The following CERS6 variants were observed in gnomAD, a reference collection of about 807,000 sequenced individuals.
CERS6 encodes the protein LAG1 homolog, ceramide synthase 6.
Under a neutral mutation model 56.8 loss-of-function variants are expected in CERS6, and 26 were observed. The ratio of observed to expected loss-of-function variants is 0.46; its 90% CI spans 0.34 to 0.63. CERS6 has a LOEUF of 0.63. Ranked by LOEUF, CERS6 falls within the 30% of genes least tolerant of loss-of-function variation. The probability of loss-of-function intolerance (pLI) is 0.01; values close to 1 mark genes in which losing one functional copy is unlikely to be tolerated. For missense variants in CERS6, 415 were observed against 467.5 expected (o/e 0.89, Z 1.04); for synonymous variants, 164 against 173.3 (o/e 0.95, Z 0.42).
At chr2:168,600,031 T>TA (rs1683894399) in intron 3 of CERS6, among the ~76,000 whole-genome samples, 1 of 152,178 alleles carries the variant, frequency 6.6e-6, no homozygotes, top group African/African-American at 2.4e-5. Flanking sequence ...CTTGGGTTGT[T>TA]ATAGCAGCAT....
At chr2:168,549,362 C>T (rs918117749) in intron 2 of CERS6, among the ~76,000 whole-genome samples, 2 of 152,190 alleles carry the variant, frequency 1.3e-5, no homozygotes, top group African/African-American at 2.4e-5. Context: ...TTTGGCTGGG[C>T]GTGGTGGCTC....
Position 168,555,724 on chromosome 2 carries a change from G to C in CERS6, c.277-5468G>C, listed in dbSNP as rs201420128. Among the ~76,000 whole-genome samples, 268 of 32,266 alleles carry C rather than the reference G, an allele frequency of 8.3e-3. 5 individuals carry two copies. Among genetic ancestry groups the C allele is most frequent in the Middle Eastern group, 0.091 (2 of 22 alleles). The allele number at this position is 32,266 out of a possible 152,430, so 21.2% of individuals were successfully genotyped here. On this transcript the variant is annotated intron_variant, in intron 2 of 9. Coordinates refer to ENST00000305747, the MANE Select transcript of CERS6 (RefSeq NM_203463.3). Reference sequence around the variant, plus strand: ...ATTCTAGGAAAGTATAATTGACTCTGTGTGTGTGTGTGTGTGTGTGTGTGT... The same window carrying C: ...ATTCTAGGAAAGTATAATTGACTCTCTGTGTGTGTGTGTGTGTGTGTGTGT...
intron 1 of CERS6, among the ~76,000 whole-genome samples, chr2:168,525,119 G>T (rs961751601): frequency 6.6e-6 from 1 of 152,192 alleles, no homozygotes; most frequent in Non-Finnish European, 1.5e-5. Context: ...GCCCACAGGT[G>T]CAGTGTGGGC....
chr2:168,654,726 T>C (rs1685427576), intron 4 of CERS6, among the ~76,000 whole-genome samples: 1 of 152,208 alleles, frequency 6.6e-6, no homozygotes, highest in African/African-American at 2.4e-5. Context: ...AGTAATATTT[T>C]ATATCATGAC....
At chr2:168,513,685 G>C (rs1298252074) in intron 1 of CERS6, among the ~76,000 whole-genome samples, 1 of 152,154 alleles carries the variant, frequency 6.6e-6, no homozygotes, top group East Asian at 1.9e-4. Context: ...TTCTCTGCTC[G>C]AAAGTTAGCA....
At chr2:168,596,444 G>A (rs568353100) in intron 3 of CERS6, among the ~76,000 whole-genome samples, 7 of 152,184 alleles carry the variant, frequency 4.6e-5, no homozygotes, top group Non-Finnish European at 7.4e-5. Context: ...TTGGCAGAAC[G>A]TAACATGAGT....
intron 1 of CERS6, among the ~76,000 whole-genome samples, chr2:168,473,206 TTTA>T (rs1694008736): frequency 1.3e-5 from 2 of 152,124 alleles, no homozygotes; most frequent in South Asian, 2.1e-4. Context: ...TCCATGTGGT[TTTA>T]TTAATTTTTT....
At chr2:168,569,914 G>A (rs1695953944) in intron 3 of CERS6, among the ~76,000 whole-genome samples, 1 of 152,216 alleles carries the variant, frequency 6.6e-6, no homozygotes, top group Non-Finnish European at 1.5e-5. Flanking sequence ...TTAGAAAGAT[G>A]TCTTGCCCAT....
rs1456357003 is a variant in CERS6 at position 168,694,892 on chromosome 2, A to T, written c.517-67A>T. The T allele has an allele frequency of 4.1e-6, 5 of 1,209,206 alleles. No individual in the cohort carries two copies. The East Asian group carries it at 7.0e-5, about 17-fold the overall frequency. 74.9% of individuals were successfully genotyped at this position (1,209,206 alleles called of 1,614,324 possible). On this transcript the variant is annotated intron_variant, in intron 5 of 9. Coordinates refer to ENST00000305747, the MANE Select transcript of CERS6 (RefSeq NM_203463.3). ...GTTACTTTTGAGCAGTGAGCTTGAGATGTCTGGGATACAAATTGGGTTCCC... is the reference window on the plus strand; with the variant it reads ...GTTACTTTTGAGCAGTGAGCTTGAGTTGTCTGGGATACAAATTGGGTTCCC...
chr2:168,610,031 G>A (rs951912468), intron 3 of CERS6, among the ~76,000 whole-genome samples: 1 of 143,634 alleles, frequency 7.0e-6, no homozygotes, highest in African/African-American at 2.6e-5. Context: ...AGGCTGGAGT[G>A]CAGTGGCGCG....
intron 1 of CERS6, among the ~76,000 whole-genome samples, chr2:168,471,888 G>A (rs1693984651): frequency 6.6e-6 from 1 of 152,194 alleles, no homozygotes; most frequent in Non-Finnish European, 1.5e-5. Flanking sequence ...TGGGTGTTGA[G>A]AAGAGGTTAC....
At chr2:168,478,640 C>T (rs2105330785) in intron 1 of CERS6, among the ~76,000 whole-genome samples, 1 of 152,292 alleles carries the variant, frequency 6.6e-6, no homozygotes, top group African/African-American at 2.4e-5. Flanking sequence ...CCAGGTGATT[C>T]TCGTGCATGT....
intron 4 of CERS6, among the ~76,000 whole-genome samples, chr2:168,672,869 A>G (rs1685957545): frequency 6.6e-6 from 1 of 152,222 alleles, no homozygotes; most frequent in Non-Finnish European, 1.5e-5. Flanking sequence ...AAACAGCAAA[A>G]CAAGCTTGAT....
At chr2:168,466,046 T>C (rs539428403) in intron 1 of CERS6, among the ~76,000 whole-genome samples, 8 of 151,228 alleles carry the variant, frequency 5.3e-5, no homozygotes, top group African/African-American at 1.9e-4. Context: ...TCCCCTCAAA[T>C]CTAGGAGAGC....
At chr2:168,631,812 T>TATATA (rs1574114314) in intron 4 of CERS6, among the ~76,000 whole-genome samples, 16 of 125,368 alleles carry the variant, frequency 1.3e-4, no homozygotes, top group Non-Finnish European at 4.9e-5. Context: ...TATTATATAA[T>TATATA]TTATTATATA....
At chr2:168,591,475 ATG>A (rs1683668766) in intron 3 of CERS6, among the ~76,000 whole-genome samples, 1 of 152,234 alleles carries the variant, frequency 6.6e-6, no homozygotes, top group Non-Finnish European at 1.5e-5. Context: ...CTAGCATACA[ATG>A]TGTGTCTCAC....
chr2:168,689,691 T>C (rs1305413489), intron 4 of CERS6, among the ~76,000 whole-genome samples: 1 of 152,110 alleles, frequency 6.6e-6, no homozygotes, highest in Non-Finnish European at 1.5e-5. Flanking sequence ...TGAAATTACA[T>C]GATACAGACA....
At chr2:168,559,569 T>C (rs891158298) in intron 2 of CERS6, among the ~76,000 whole-genome samples, 1 of 151,238 alleles carries the variant, frequency 6.6e-6, no homozygotes. Flanking sequence ...ACTTCTAATC[T>C]AATCCGAGAG....
chr2:168,681,514 G>C (rs546906429), intron 4 of CERS6, among the ~76,000 whole-genome samples: 80 of 152,166 alleles, frequency 5.3e-4, no homozygotes, highest in African/African-American at 1.9e-3. Flanking sequence ...TATTATTTTT[G>C]ATATGCAATT....
Sources: gnomAD v4.1 joint callset for allele counts (sites outside exome capture counted in the v4.1 genomes callset) on GRCh38, gnomAD v4.1.1 for gene constraint, MANE v1.5 for transcripts, NCBI Gene and HGNC (gene_info 2026-07-23, HGNC 2026-07-21) for gene names.